CISTR: variants seen among roughly 807,000 people sequenced by gnomAD.
The protein encoded by CISTR is chondrogenic regulator lncRNA.
At chr12:53,747,063 A>G (rs1178288468) in intron 2 of CISTR, among the ~76,000 whole-genome samples, 1 of 152,126 alleles carries the variant, frequency 6.6e-6, no homozygotes, top group African/African-American at 2.4e-5. Flanking sequence ...ACAGAGGGCA[A>G]TTTCTCTTCT....
At chr12:53,749,291 A>AGTGTGT (rs3058906) in intron 2 of CISTR, among the ~76,000 whole-genome samples, 14 of 149,120 alleles carry the variant, frequency 9.4e-5, no homozygotes, top group African/African-American at 3.2e-4. Context: ...GGAGGCAAGA[A>AGTGTGT]GTGTGTGTGT....
chr12:53,746,809 A>T (rs1207897974), exon 3 of CISTR, among the ~76,000 whole-genome samples: 1 of 152,122 alleles, frequency 6.6e-6, no homozygotes, highest in African/African-American at 2.4e-5. Flanking sequence ...ATCGCTGCTG[A>T]GAAGATTCCG....
intron 2 of CISTR, among the ~76,000 whole-genome samples, chr12:53,747,408 G>A (rs972457682): frequency 1.3e-5 from 2 of 152,108 alleles, no homozygotes; most frequent in African/African-American, 4.8e-5. Context: ...ATTAGTGATT[G>A]CCTGTCTTTG....
Position 53,753,621 on chromosome 12 carries a change from G to A in CISTR, n.415-2656C>T, listed in dbSNP as rs573719576. The stretch of plus-strand genomic sequence containing the variant: ...AGTGCATTATCTTGGGGTAAGGGAT[G>A]GCTAATGTGAACCTTGGAGGCAGAT... On this transcript the variant is annotated intron_variant and non_coding_transcript_variant, in intron 1 of 2. Coordinates refer to ENST00000669269, the Ensembl canonical transcript of CISTR. Among the ~76,000 whole-genome samples, 11 of 152,058 alleles carry A rather than the reference G, an allele frequency of 7.2e-5. No homozygotes were observed. The South Asian group carries it at 1.9e-3, about 26-fold the overall frequency.
chr12:53,748,595 A>G (rs1937808473), intron 2 of CISTR, among the ~76,000 whole-genome samples: 1 of 152,150 alleles, frequency 6.6e-6, no homozygotes, highest in Admixed American at 6.5e-5. Context: ...AGACTCACAC[A>G]AGGCCAGAGC....
At chr12:53,755,200 A>G (rs1937901320) in intron 1 of CISTR, among the ~76,000 whole-genome samples, 1 of 152,072 alleles carries the variant, frequency 6.6e-6, no homozygotes, top group Non-Finnish European at 1.5e-5. Context: ...TTATTTTCCT[A>G]ATATTTAGAG....
rs558647713 is a variant in CISTR at position 53,747,396 on chromosome 12, T to C, written n.1064-548A>G. 2.6e-3 allele frequency among the ~76,000 whole-genome samples: 393 copies of C among 152,092 alleles called. 1 individual carries two copies. Among genetic ancestry groups the C allele is most frequent in the Non-Finnish European group, 3.1e-3 (211 of 67,976 alleles). ...GCCCTCCCCTCCCTGCACTCAATGC[T>C]CATTAGTGATTGCCTGTCTTTGGGG... On this transcript the variant is annotated intron_variant and non_coding_transcript_variant, in intron 2 of 2. Coordinates refer to ENST00000669269, the Ensembl canonical transcript of CISTR.
At chr12:53,755,477 A>T (rs1445887956) in intron 1 of CISTR, among the ~76,000 whole-genome samples, 1 of 152,162 alleles carries the variant, frequency 6.6e-6, no homozygotes, top group African/African-American at 2.4e-5. Flanking sequence ...TCTTTAGTGG[A>T]GGTATTATCT....
rs1332036142 is a variant in CISTR, at chr12:53,756,017, G to A, written n.414+797C>T. 1 of 152,164 alleles carries A rather than the reference G, an allele frequency of 6.6e-6. No individual in the cohort carries two copies. The highest frequency in any genetic ancestry group is 1.5e-5 in the Non-Finnish European group (1 of 68,026). The allele number at this position is 152,164 out of a possible 1,614,324, so 9.4% of individuals were successfully genotyped here. A position where few individuals can be genotyped will look rare whatever the true frequency, so the allele number is the denominator to read the frequency against. Reference sequence around the variant, plus strand: ...TACTAATTACAAACAGAGAAAGCCTGGTCTGTGAAGTTAGCCTGCCCCCAG... The same window carrying A: ...TACTAATTACAAACAGAGAAAGCCTAGTCTGTGAAGTTAGCCTGCCCCCAG... On this transcript the variant is annotated intron_variant and non_coding_transcript_variant, in intron 1 of 2. Transcript: ENST00000669269. The surrounding 1 kb of genome is among the most constrained non-coding windows in gnomAD (Gnocchi z 4.0).
intron 2 of CISTR, among the ~76,000 whole-genome samples, chr12:53,748,163 TC>T (rs1241600877): frequency 1.3e-5 from 2 of 152,034 alleles, no homozygotes; most frequent in Non-Finnish European, 2.9e-5. Flanking sequence ...TGGAGAATGT[TC>T]GATGAGGAGG....
In CISTR at chr12:53,751,887, T is replaced by G. The variant is rs947692630; in HGVS notation, n.415-922A>C. The G allele has an allele frequency of 1.3e-5, 2 of 153,094 alleles. No individual in the cohort carries two copies. Among genetic ancestry groups the G allele is most frequent in the Non-Finnish European group, 2.9e-5 (2 of 68,480 alleles). 9.5% of individuals were successfully genotyped at this position (153,094 alleles called of 1,614,324 possible). ...GCCTCTTTTCCTCCCCCGCTCCCTC[T>G]CTCCTTGCGGCTGACTCCAGCTCCC... On this transcript the variant is annotated intron_variant and non_coding_transcript_variant, in intron 1 of 2. Transcript: ENST00000669269. The surrounding 1 kb of genome is among the most constrained non-coding windows in gnomAD (Gnocchi z 4.6).
intron 2 of CISTR, among the ~76,000 whole-genome samples, chr12:53,750,264 G>A (rs1279785440): frequency 6.6e-6 from 1 of 152,202 alleles, no homozygotes; most frequent in Non-Finnish European, 1.5e-5. Context: ...AGAGAGGTGT[G>A]CAAAGAGAAA....
At chr12:53,750,551 G>C (rs1406979110) in exon 2 of CISTR, 1 of 152,392 alleles carries the variant, frequency 6.6e-6, no homozygotes, top group African/African-American at 2.4e-5. Flanking sequence ...ACTCACACTT[G>C]TCTGGATAGG....
intron 1 of CISTR, among the ~76,000 whole-genome samples, chr12:53,753,702 G>GTGTGTA (rs1278700969): frequency 2.4e-4 from 29 of 122,302 alleles, no homozygotes; most frequent in African/African-American, 7.9e-4. Context: ...GTGTGTGTGT[G>GTGTGTA]TATGTGTGTG....
rs1321588442 is a variant in CISTR at position 53,756,589 on chromosome 12, C to T, written n.414+225G>A. 6.6e-6 allele frequency among the ~76,000 whole-genome samples: 1 copy of T among 152,118 alleles called. No homozygotes were observed. The highest frequency in any genetic ancestry group is 1.5e-5 in the Non-Finnish European group (1 of 68,034). On this transcript the variant is annotated intron_variant and non_coding_transcript_variant, in intron 1 of 2. Coordinates refer to ENST00000669269, the Ensembl canonical transcript of CISTR. This position sits in a 1 kb window ranked among gnomAD's most constrained non-coding sequence, Gnocchi z 4.0. ...AGGTTTCAGATGAGGAAATGGAGGCCTTGGAGAGGGCAGGTAACCTGCTCA... is the reference window on the plus strand; with the variant it reads ...AGGTTTCAGATGAGGAAATGGAGGCTTTGGAGAGGGCAGGTAACCTGCTCA...
chr12:53,748,219 C>T (rs1245335576), intron 2 of CISTR, among the ~76,000 whole-genome samples: 1 of 152,194 alleles, frequency 6.6e-6, no homozygotes, highest in Non-Finnish European at 1.5e-5. Flanking sequence ...ATCAGCGCTG[C>T]GGAGGCTGCA....
Position 53,751,371 on chromosome 12 carries a change from C to A in CISTR, n.415-406G>T, listed in dbSNP as rs956934281. Among the ~76,000 whole-genome samples the A allele has an allele frequency of 1.3e-5, 2 of 151,886 alleles. No individual in the cohort carries two copies. The highest frequency in any genetic ancestry group is 2.4e-5 in the African/African-American group (1 of 41,320). ...AGTGGGAAGGGGTGTGCGTGGGTGTCCTCTCCTTCACTCTTTCCCCAGCCC... is the reference window on the plus strand; with the variant it reads ...AGTGGGAAGGGGTGTGCGTGGGTGTACTCTCCTTCACTCTTTCCCCAGCCC... On this transcript the variant is annotated intron_variant and non_coding_transcript_variant, in intron 1 of 2. Transcript: ENST00000669269. The surrounding 1 kb of genome is among the most constrained non-coding windows in gnomAD (Gnocchi z 4.6).
chr12:53,747,235 G>A (rs1397833581), intron 2 of CISTR, among the ~76,000 whole-genome samples: 3 of 152,190 alleles, frequency 2.0e-5, no homozygotes, highest in African/African-American at 7.2e-5. Context: ...CGTCAGTGTC[G>A]GCAGGGAGAT....
At position 53,756,807 on chromosome 12, in the gene CISTR, G is replaced by A. The variant is rs1241409257; in HGVS notation, n.414+7C>T. ...TGGGGTAGGGAGCAGGGGATCTGGGGAGGTACCTGGATAGCAGGGGACTCC... is the reference window on the plus strand; with the variant it reads ...TGGGGTAGGGAGCAGGGGATCTGGGAAGGTACCTGGATAGCAGGGGACTCC... On this transcript the variant is annotated splice_region_variant and intron_variant and non_coding_transcript_variant, in intron 1 of 2. Transcript: ENST00000669269. The surrounding 1 kb of genome is among the most constrained non-coding windows in gnomAD (Gnocchi z 4.0). 1 of 152,680 alleles carries A rather than the reference G, an allele frequency of 6.5e-6. No homozygotes were observed. Among genetic ancestry groups the A allele is most frequent in the Admixed American group, 6.6e-5 (1 of 15,224 alleles). The allele number at this position is 152,680 out of a possible 1,614,324, so 9.5% of individuals were successfully genotyped here.
Sources: gnomAD v4.1 joint callset for allele counts (sites outside exome capture counted in the v4.1 genomes callset) on GRCh38, gnomAD v4.1.1 for gene constraint, Gnocchi (gnomAD v3.1) non-coding constraint, MANE v1.5 for transcripts, NCBI Gene and HGNC (gene_info 2026-07-23, HGNC 2026-07-21) for gene names.